KCNK5: variants seen among roughly 807,000 people sequenced by gnomAD.
KCNK5 encodes the protein potassium two pore domain channel subfamily K member 5.
Under a neutral mutation model 32.9 loss-of-function variants are expected in KCNK5, and 18 were observed. The observed-to-expected ratio is 0.55, with a 90% CI of 0.38 to 0.81. The LOEUF (loss-of-function observed/expected upper bound fraction) is 0.81. Among genes scored for constraint, KCNK5 ranks in the 30% least tolerant of loss-of-function variants. The pLI is 0.00. For synonymous variants in KCNK5, 276 were observed against 275.3 expected, an observed-to-expected ratio of 1.00 and a Z score of -0.03; for missense variants, 507 against 651.0, an observed-to-expected ratio of 0.78 and a Z score of 2.41.
In KCNK5 at chr6:39,193,369, T is replaced by C. The variant is rs149105614; in HGVS notation, c.634+800A>G. On this transcript the variant is annotated intron_variant, in intron 4 of 4. Coordinates refer to ENST00000359534, the MANE Select transcript of KCNK5 (RefSeq NM_003740.4). The stretch of plus-strand genomic sequence containing the variant: ...CAGCCAACTGCTCCCAGATGCCACA[T>C]ACATCAAGCACAAGGCTAGTGGCCT... Among the ~76,000 whole-genome samples, 270 of 152,316 alleles carry C rather than the reference T, an allele frequency of 1.8e-3. 2 individuals are homozygous for C. The highest frequency in any genetic ancestry group is 6.1e-3 in the African/African-American group (253 of 41,580).
intron 1 of KCNK5, among the ~76,000 whole-genome samples, chr6:39,202,799 C>T (rs1374418108): frequency 6.6e-6 from 1 of 152,092 alleles, no homozygotes; most frequent in East Asian, 1.9e-4. Flanking sequence ...AGCCACAGGG[C>T]CATCTTCCAA....
Position 39,191,787 on chromosome 6 carries a change from G to A in KCNK5, c.635-32C>T. 1.3e-6 allele frequency: 2 copies of A among 1,592,294 alleles called. No individual in the cohort carries two copies. The highest frequency in any genetic ancestry group is 2.2e-5 in the East Asian group (1 of 44,544). ...GGACAGGCAGTCCAGAGGTCAGGAA[G>A]AGTTAGCAGGGCCCGGGAAATGTGC... On this transcript the variant is annotated intron_variant, in intron 4 of 4. Transcript: ENST00000359534. The surrounding 1 kb of genome is among the most constrained non-coding windows in gnomAD (Gnocchi z 5.8).
Position 39,195,921 on chromosome 6 carries a change from A to G in KCNK5, c.253T>C (p.Trp85Arg). The change falls in exon 2 of 5, where the codon TGG becomes CGG. Residue 85 changes from tryptophan to arginine, a missense_variant. By Grantham distance (101) the Trp-to-Arg change is moderately radical. Around this residue, in one of 6 missense-constraint regions of KCNK5, gnomAD observed 143 missense variants for 219.1 expected, o/e 0.65. Coordinates refer to ENST00000359534, the MANE Select transcript of KCNK5 (RefSeq NM_003740.4). ...GCTGCAAAAATCATTGCATTGGGCC[A>G]GTTCCAGTTGTTGAAGGTCTGGTTC... ...TGNQTFNNWN[W>R]PNAMIFAATV... The G allele has an allele frequency of 6.2e-7, 1 of 1,614,076 alleles. No individual in the cohort carries two copies. The highest frequency in any genetic ancestry group is 8.5e-7 in the Non-Finnish European group (1 of 1,179,972).
At position 39,194,288 on chromosome 6, in the gene KCNK5, A is replaced by G; in HGVS notation, c.515T>C (p.Leu172Pro). 6.2e-7 allele frequency: 1 copy of G among 1,613,916 alleles called. No individual in the cohort carries two copies. Among genetic ancestry groups the G allele is most frequent in the Non-Finnish European group, 8.5e-7 (1 of 1,179,886 alleles). Residue 172 changes from leucine to proline, a missense_variant, in exon 4 of 5, where the codon CTA becomes CCA. Physicochemically the swap from Leu to Pro is moderately conservative, Grantham distance 98. Coordinates refer to ENST00000359534, the MANE Select transcript of KCNK5 (RefSeq NM_003740.4). This position sits in a 1 kb window ranked among gnomAD's most constrained non-coding sequence, Gnocchi z 4.7. ...GAAGGGTGGGATCACCAGGTGGACT[A>G]GGACGCCCCACACGATGAAGATGAC... ...CTVIFIVWGV[L>P]VHLVIPPFVF...
intron 1 of KCNK5, among the ~76,000 whole-genome samples, chr6:39,213,861 C>A (rs143557011): frequency 0.013 from 1,997 of 152,122 alleles, 26 homozygotes; most frequent in East Asian, 0.028. Context: ...CCCGTTTCTA[C>A]TAAAAACACA....
rs1771026790 is a variant in KCNK5, at chr6:39,196,115, A to C, written c.187-128T>G. ...ACAAGAAGAAGGTGGCAGTGTCTCC[A>C]TGTTACAGATGAAACATTGTATAGA... On this transcript the variant is annotated intron_variant, in intron 1 of 4. Transcript: ENST00000359534. 3 of 584,356 alleles carry C rather than the reference A, an allele frequency of 5.1e-6. No individual in the cohort carries two copies. In the Admixed American group the frequency reaches 9.7e-5, roughly 19 times the overall value. 36.2% of individuals were successfully genotyped at this position (584,356 alleles called of 1,614,324 possible). A position where few individuals can be genotyped will look rare whatever the true frequency, so the allele number is the denominator to read the frequency against.
intron 1 of KCNK5, among the ~76,000 whole-genome samples, chr6:39,223,143 A>G (rs927144718): frequency 6.6e-6 from 1 of 152,226 alleles, no homozygotes; most frequent in African/African-American, 2.4e-5. Flanking sequence ...GGACCGCTCC[A>G]TTGCAGCATA....
At chr6:39,213,980 C>T (rs984464953) in intron 1 of KCNK5, among the ~76,000 whole-genome samples, 3 of 151,740 alleles carry the variant, frequency 2.0e-5, no homozygotes, top group East Asian at 3.9e-4. Context: ...GAGCCGAGAT[C>T]GCACCACTGC....
chr6:39,225,316 T>A (rs1385810294), intron 1 of KCNK5, among the ~76,000 whole-genome samples: 1 of 152,238 alleles, frequency 6.6e-6, no homozygotes, highest in Non-Finnish European at 1.5e-5. Flanking sequence ...CTCCGCTCTA[T>A]GTGATCCCAG....
chr6:39,191,788 A>G lies in KCNK5; in HGVS notation c.635-33T>C. On this transcript the variant is annotated intron_variant, in intron 4 of 4. Coordinates refer to ENST00000359534, the MANE Select transcript of KCNK5 (RefSeq NM_003740.4). The surrounding 1 kb of genome is among the most constrained non-coding windows in gnomAD (Gnocchi z 5.8). ...GACAGGCAGTCCAGAGGTCAGGAAG[A>G]GTTAGCAGGGCCCGGGAAATGTGCA... 6.3e-7 allele frequency: 1 copy of G among 1,591,988 alleles called. No individual in the cohort carries two copies. The highest frequency in any genetic ancestry group is 2.2e-5 in the East Asian group (1 of 44,536).
At chr6:39,210,243 G>A (rs1024090488) in intron 1 of KCNK5, among the ~76,000 whole-genome samples, 2 of 152,096 alleles carry the variant, frequency 1.3e-5, no homozygotes, top group African/African-American at 2.4e-5. Flanking sequence ...CCTTCATCCC[G>A]GGCTGCTGAG....
Position 39,191,044 on chromosome 6 carries a change from G to A in KCNK5, c.1346C>T (p.Pro449Leu), listed in dbSNP as rs946346855. 3.1e-6 allele frequency: 5 copies of A among 1,610,596 alleles called. No homozygotes were observed. In the East Asian group the frequency reaches 8.9e-5, roughly 29 times the overall value. Reference sequence around the variant, plus strand: ...CGCCTTGGCTTCAGCCCCCTGCTGGGGGCTCTCCTCCCCTGCCAAGTTGTC... The same window carrying A: ...CGCCTTGGCTTCAGCCCCCTGCTGGAGGCTCTCCTCCCCTGCCAAGTTGTC... ...LEDNLAGEES[P>L]QQGAEAKAPL... is the part of the protein sequence containing the mutation. Residue 449 changes from proline (P) to leucine (L), a missense_variant, in exon 5 of 5, where the codon CCC becomes CTC. Pro to Leu is a moderately conservative substitution (Grantham distance 98). Coordinates refer to ENST00000359534, the MANE Select transcript of KCNK5 (RefSeq NM_003740.4). This position sits in a 1 kb window ranked among gnomAD's most constrained non-coding sequence, Gnocchi z 5.8.
intron 1 of KCNK5, among the ~76,000 whole-genome samples, chr6:39,224,974 G>C (rs1490539083): frequency 3.3e-5 from 5 of 151,624 alleles, no homozygotes; most frequent in Admixed American, 2.0e-4. Context: ...GCGCAATCCA[G>C]GCTAACTGCA....
Position 39,195,860 on chromosome 6 carries a change from G to T in KCNK5, c.298+16C>A. The T allele has an allele frequency of 6.3e-7, 1 of 1,597,164 alleles. No homozygotes were observed. The highest frequency in any genetic ancestry group is 8.6e-7 in the Non-Finnish European group (1 of 1,165,458). On this transcript the variant is annotated intron_variant, in intron 2 of 4. Coordinates refer to ENST00000359534, the MANE Select transcript of KCNK5 (RefSeq NM_003740.4). ...GGGCATGGATGTGGGTGTCCTACAGGTCCCAGAAGACTTACCAATGGTGGT... is the reference window on the plus strand; with the variant it reads ...GGGCATGGATGTGGGTGTCCTACAGTTCCCAGAAGACTTACCAATGGTGGT...
intron 1 of KCNK5, among the ~76,000 whole-genome samples, chr6:39,196,549 T>C (rs1472914087): frequency 6.6e-6 from 1 of 152,164 alleles, no homozygotes; most frequent in Non-Finnish European, 1.5e-5. Flanking sequence ...CCATATACCC[T>C]TCAGCCTACT....
At chr6:39,226,578 A>G (rs1035720612) in intron 1 of KCNK5, among the ~76,000 whole-genome samples, 1 of 152,112 alleles carries the variant, frequency 6.6e-6, no homozygotes, top group Non-Finnish European at 1.5e-5. Flanking sequence ...TCATGATTCC[A>G]AGGTGATTCA....
At chr6:39,211,832 T>G (rs577696656) in intron 1 of KCNK5, among the ~76,000 whole-genome samples, 48 of 151,420 alleles carry the variant, frequency 3.2e-4, no homozygotes, top group African/African-American at 1.1e-3. Context: ...GGCATGGTGG[T>G]GAATGCCTAT....
intron 1 of KCNK5, among the ~76,000 whole-genome samples, chr6:39,224,440 C>G (rs926880815): frequency 3.3e-5 from 5 of 152,162 alleles, no homozygotes; most frequent in African/African-American, 1.2e-4. Context: ...GTAATTTTGT[C>G]ATATATTTCA....
Position 39,229,458 on chromosome 6 carries a change from G to C in KCNK5, c.-347C>G. 3.8e-6 allele frequency: 1 copy of C among 263,310 alleles called. No individual in the cohort carries two copies. The highest frequency in any genetic ancestry group is 5.3e-5 in the South Asian group (1 of 18,926). 16.3% of individuals were successfully genotyped at this position (263,310 alleles called of 1,614,324 possible). On this transcript the variant is annotated 5_prime_UTR_variant, in exon 1 of 5. Transcript: ENST00000359534. ...GCTTCTCCACGCGTCGCTCCTCCGCGCGCCACTAGCAGTATGCGCCGCGCC... is the reference window on the plus strand; with the variant it reads ...GCTTCTCCACGCGTCGCTCCTCCGCCCGCCACTAGCAGTATGCGCCGCGCC...
Sources: allele counts gnomAD v4.1 joint callset (sites outside exome capture counted in the v4.1 genomes callset), GRCh38; gene constraint gnomAD v4.1.1; regional missense constraint gnomAD v4.1.1; non-coding constraint Gnocchi (gnomAD v3.1); transcripts MANE v1.5; gene names NCBI Gene and HGNC (gene_info 2026-07-23, HGNC 2026-07-21).